TRPM3: variants seen among roughly 807,000 people sequenced by gnomAD.
TRPM3 encodes the protein transient receptor potential cation channel subfamily M member 3, also known as long transient receptor potential channel 3.
A neutral mutation model predicts 181.2 loss-of-function variants in TRPM3; 77 were observed. The observed-to-expected ratio is 0.42, with a 90% confidence interval of 0.35 to 0.51. The LOEUF is 0.51. Among genes scored for constraint, TRPM3 ranks in the 20% least tolerant of loss-of-function variants. The pLI, the probability that TRPM3 is intolerant of heterozygous loss-of-function variation, is 0.01. For missense variants in TRPM3, 1,759 were observed against 2,196.7 expected (o/e 0.80, Z 3.98); for synonymous variants, 745 against 796.4 (o/e 0.94, Z 1.09).
In TRPM3 at chr9:70,535,292, G is replaced by A. The variant is rs1413380525; in HGVS notation, c.*661C>T. On this transcript the variant is annotated 3_prime_UTR_variant, in exon 26 of 26. Transcript: ENST00000677713. ...TATTTTCTTCAAAAAAGGATAAACA[G>A]TTGTGGCACCAGAAGTGAATAGATA... The A allele has an allele frequency of 1.9e-5, 18 of 929,116 alleles. No individual in the cohort carries two copies. Among genetic ancestry groups the A allele is most frequent in the Non-Finnish European group, 2.3e-5 (14 of 619,864 alleles). 57.6% of individuals were successfully genotyped at this position (929,116 alleles called of 1,614,324 possible).
At chr9:70,941,130 A>G (rs1013957372) in intron 1 of TRPM3, among the ~76,000 whole-genome samples, 4 of 152,178 alleles carry the variant, frequency 2.6e-5, no homozygotes, top group African/African-American at 9.7e-5. Flanking sequence ...GGTATGTCTG[A>G]GAGGGTGTTG....
At chr9:70,616,971 A>C (rs1403078984) in intron 17 of TRPM3, among the ~76,000 whole-genome samples, 1 of 152,160 alleles carries the variant, frequency 6.6e-6, no homozygotes, top group Non-Finnish European at 1.5e-5. Context: ...TCTGGGGCAC[A>C]AGACTTCTGA....
intron 22 of TRPM3, among the ~76,000 whole-genome samples, chr9:70,585,523 GT>G (rs1171378162): frequency 6.6e-6 from 1 of 152,044 alleles, no homozygotes; most frequent in Non-Finnish European, 1.5e-5. Context: ...GACAGAAAAA[GT>G]CCCCATACCC....
chr9:70,810,456 A>G (rs1487233743), intron 6 of TRPM3, among the ~76,000 whole-genome samples: 1 of 151,466 alleles, frequency 6.6e-6, no homozygotes, highest in Admixed American at 6.6e-5. Flanking sequence ...GCTTGCCTCC[A>G]TCCCCACGCT....
intron 22 of TRPM3, among the ~76,000 whole-genome samples, chr9:70,583,976 C>T (rs532055217): frequency 6.6e-6 from 1 of 152,250 alleles, no homozygotes; most frequent in East Asian, 1.9e-4. Flanking sequence ...TCGCTGTTCC[C>T]TTTTTCTCCT....
At chr9:70,608,434 G>T (rs1171252444) in intron 19 of TRPM3, among the ~76,000 whole-genome samples, 1 of 152,164 alleles carries the variant, frequency 6.6e-6, no homozygotes, top group Non-Finnish European at 1.5e-5. Context: ...CAGGCCATGG[G>T]TTGAATTTGG....
intron 9 of TRPM3, among the ~76,000 whole-genome samples, chr9:70,675,883 A>C (rs1336026213): frequency 6.6e-6 from 1 of 152,232 alleles, no homozygotes; most frequent in Non-Finnish European, 1.5e-5. Flanking sequence ...TCTCCTGCTC[A>C]GATTAACAAT....
intron 1 of TRPM3, among the ~76,000 whole-genome samples, chr9:71,363,340 G>A (rs976432687): frequency 6.6e-6 from 1 of 152,156 alleles, no homozygotes; most frequent in Non-Finnish European, 1.5e-5. Context: ...AACAGGCCTG[G>A]AGTTGTGTGA....
rs539406396 is a variant in TRPM3, at chr9:70,636,347, C to T, written c.1582-1086G>A. On this transcript the variant is annotated intron_variant, in intron 11 of 25. Transcript: ENST00000677713. Reference sequence around the variant, plus strand: ...CAGAAACAGGCAGCAGGCTGGATTTCGATGACAGTTTGCTGTAACTTGATT... The same window carrying T: ...CAGAAACAGGCAGCAGGCTGGATTTTGATGACAGTTTGCTGTAACTTGATT... Among the ~76,000 whole-genome samples the T allele has an allele frequency of 4.0e-5, 6 of 150,398 alleles. No homozygotes were observed. In the East Asian group the frequency reaches 9.7e-4, roughly 24 times the overall value.
chr9:71,360,642 A>G (rs946798794), intron 1 of TRPM3, among the ~76,000 whole-genome samples: 3 of 152,218 alleles, frequency 2.0e-5, no homozygotes, highest in African/African-American at 7.2e-5. Flanking sequence ...TAATAAGGCA[A>G]TATCATATAC....
intron 1 of TRPM3, among the ~76,000 whole-genome samples, chr9:71,358,049 T>G (rs1289845202): frequency 1.3e-5 from 2 of 152,194 alleles, no homozygotes; most frequent in African/African-American, 4.8e-5. Context: ...GTACAATATT[T>G]ATTGTATTTT....
intron 1 of TRPM3, among the ~76,000 whole-genome samples, chr9:70,918,826 T>C (rs1234197232): frequency 6.6e-6 from 1 of 151,884 alleles, no homozygotes. Flanking sequence ...GAATAGAAAC[T>C]TATTTTTTTT....
At chr9:71,317,134 A>G (rs947925719) in intron 1 of TRPM3, among the ~76,000 whole-genome samples, 2 of 152,142 alleles carry the variant, frequency 1.3e-5, no homozygotes, top group East Asian at 3.9e-4. Flanking sequence ...CTGTCTTGCT[A>G]CATTCACATT....
chr9:70,922,372 G>A (rs866218154), intron 1 of TRPM3, among the ~76,000 whole-genome samples: 50 of 152,148 alleles, frequency 3.3e-4, no homozygotes, highest in African/African-American at 1.2e-3. Context: ...AATATGCCAG[G>A]CCTCAAAAAG....
intron 1 of TRPM3, among the ~76,000 whole-genome samples, chr9:71,146,405 C>A (rs1042872372): frequency 2.4e-4 from 37 of 152,230 alleles, no homozygotes; most frequent in African/African-American, 8.9e-4. Context: ...CCTCAAGAAG[C>A]AACTTGTTCC....
intron 1 of TRPM3, among the ~76,000 whole-genome samples, chr9:71,000,476 T>A (rs1193701208): frequency 6.6e-6 from 1 of 152,240 alleles, no homozygotes; most frequent in Non-Finnish European, 1.5e-5. Flanking sequence ...GAAAAGTAAG[T>A]GTTAACGTAT....
intron 12 of TRPM3, among the ~76,000 whole-genome samples, chr9:70,631,720 T>A (rs1311998471): frequency 6.6e-6 from 1 of 152,202 alleles, no homozygotes; most frequent in Non-Finnish European, 1.5e-5. Flanking sequence ...AATTTAAATT[T>A]CTGATTAATG....
chr9:71,026,997 G>A (rs1244064450), intron 1 of TRPM3, among the ~76,000 whole-genome samples: 1 of 152,106 alleles, frequency 6.6e-6, no homozygotes, highest in Non-Finnish European at 1.5e-5. Context: ...ACTGCTTGTG[G>A]CACATGCAAA....
At chr9:70,567,017 G>A (rs984428525) in intron 22 of TRPM3, among the ~76,000 whole-genome samples, 2 of 152,188 alleles carry the variant, frequency 1.3e-5, no homozygotes, top group African/African-American at 4.8e-5. Context: ...TCTTACTGAC[G>A]ACATCAGGGC....
Sources: gnomAD v4.1 joint callset for allele counts (sites outside exome capture counted in the v4.1 genomes callset) on GRCh38, gnomAD v4.1.1 for gene constraint, MANE v1.5 for transcripts, NCBI Gene and HGNC (gene_info 2026-07-23, HGNC 2026-07-21) for gene names.